Variants in ADGRL4 observed in about 807,000 individuals in gnomAD.
ADGRL4 encodes adhesion G protein-coupled receptor L4, also known as EGF, latrophilin and seven transmembrane domain containing 1.
A neutral mutation model predicts 74.8 loss-of-function variants in ADGRL4; 90 were observed. That is an observed-to-expected ratio of 1.20 (90% CI 1.02 to 1.43). The LOEUF is 1.43. Among genes scored for constraint, ADGRL4 ranks in the 40% most tolerant of loss-of-function variants. The pLI, the probability that ADGRL4 is intolerant of heterozygous loss-of-function variation, is 0.00. For missense variants in ADGRL4, 881 were observed against 814.3 expected (o/e 1.08, Z -1.00); for synonymous variants, 311 against 279.2 (o/e 1.11, Z -1.14).
intron 12 of ADGRL4, among the ~76,000 whole-genome samples, chr1:78,904,878 C>T (rs2100657985): frequency 6.6e-6 from 1 of 152,122 alleles, no homozygotes; most frequent in Middle Eastern, 3.4e-3. Flanking sequence ...TTTAAGTTCT[C>T]AACAAACATC....
At chr1:78,969,573 C>T (rs925898468) in intron 2 of ADGRL4, among the ~76,000 whole-genome samples, 7 of 152,114 alleles carry the variant, frequency 4.6e-5, no homozygotes, top group African/African-American at 1.7e-4. Flanking sequence ...CCTTGTGGAA[C>T]AGAGTTTCAT....
chr1:78,966,512 C>G (rs1412743008), intron 2 of ADGRL4, among the ~76,000 whole-genome samples: 1 of 152,090 alleles, frequency 6.6e-6, no homozygotes, highest in Non-Finnish European at 1.5e-5. Context: ...TGCTTCTGAG[C>G]CTTTTCATCC....
chr1:78,968,217 C>T (rs1029359049), intron 2 of ADGRL4, among the ~76,000 whole-genome samples: 7 of 151,740 alleles, frequency 4.6e-5, no homozygotes, highest in African/African-American at 1.2e-4. Flanking sequence ...ACTTTTTTGT[C>T]AATTGTGTTT....
intron 2 of ADGRL4, among the ~76,000 whole-genome samples, chr1:78,968,879 A>G (rs1325022174): frequency 6.6e-6 from 1 of 152,216 alleles, no homozygotes; most frequent in Non-Finnish European, 1.5e-5. Context: ...ATGCTCTCAA[A>G]TACAAGTTTC....
At chr1:78,959,102 A>G (rs1009838813) in intron 2 of ADGRL4, among the ~76,000 whole-genome samples, 2 of 152,180 alleles carry the variant, frequency 1.3e-5, no homozygotes, top group African/African-American at 4.8e-5. Flanking sequence ...GTATAATGTA[A>G]TGTAAACATA....
chr1:78,893,216 G>A, intron 12 of ADGRL4, 27 bp from the exon 13 acceptor site: 1 of 1,413,828 alleles, frequency 7.1e-7, no homozygotes, highest in Non-Finnish European at 9.9e-7. Flanking sequence ...TTTCAAAGAA[G>A]AGATAGTTTT....
rs1462633812 is a variant in ADGRL4 at position 78,927,064 on chromosome 1, T to A, written c.905A>T (p.Tyr302Phe). 6.2e-7 allele frequency: 1 copy of A among 1,604,168 alleles called. No individual in the cohort carries two copies. The highest frequency in any genetic ancestry group is 8.5e-7 in the Non-Finnish European group (1 of 1,172,930). ...TGAAAGCAAAGGACCAATACTCTTATAATATACAAATGCAACTGCAACATT... is the reference window on the plus strand; with the variant it reads ...TGAAAGCAAAGGACCAATACTCTTAAAATATACAAATGCAACTGCAACATT... ...NGNVAVAFVY[Y>F]KSIGPLLSSS... The change falls in exon 8 of 15, where the codon TAT becomes TTT. Residue 302 changes from tyrosine (Y) to phenylalanine (F), a missense_variant. Coordinates refer to ENST00000370742, the MANE Select transcript of ADGRL4 (RefSeq NM_022159.4).
intron 12 of ADGRL4, among the ~76,000 whole-genome samples, chr1:78,916,456 T>C (rs112400664): frequency 2.0e-5 from 3 of 151,904 alleles, no homozygotes; most frequent in Admixed American, 1.3e-4. Flanking sequence ...CTTATGTGGG[T>C]TGGAAATTTT....
intron 8 of ADGRL4, among the ~76,000 whole-genome samples, chr1:78,923,102 A>C (rs555697076): frequency 3.6e-4 from 54 of 151,970 alleles, no homozygotes; most frequent in Non-Finnish European, 7.2e-4. Context: ...CAAGGAGGTC[A>C]AGCTATATGA....
At chr1:78,977,513 A>C (rs1650309474) in intron 2 of ADGRL4, among the ~76,000 whole-genome samples, 15 of 152,000 alleles carry the variant, frequency 9.9e-5, no homozygotes. Flanking sequence ...AAATATATCC[A>C]AGATACTCTT....
At chr1:78,915,299 A>G (rs918408157) in intron 12 of ADGRL4, among the ~76,000 whole-genome samples, 2 of 151,828 alleles carry the variant, frequency 1.3e-5, no homozygotes, top group African/African-American at 4.8e-5. Context: ...AAATCAGGGG[A>G]TATATGGCAA....
Position 78,903,841 on chromosome 1 carries a change from C to A in ADGRL4, c.1750-10652G>T, listed in dbSNP as rs542403957. Among the ~76,000 whole-genome samples, 9 of 151,906 alleles carry A rather than the reference C, an allele frequency of 5.9e-5. 1 individual carries two copies. The South Asian group carries it at 1.9e-3, about 32-fold the overall frequency. On this transcript the variant is annotated intron_variant, in intron 12 of 14. Transcript: ENST00000370742. ...GTCCCAGCTACTCAGGAGGCTGAGG[C>A]AGGAGAATCCCTTGAACCTGAGAGG...
chr1:78,970,950 G>T (rs1342058154), intron 2 of ADGRL4, among the ~76,000 whole-genome samples: 1 of 152,116 alleles, frequency 6.6e-6, no homozygotes, highest in African/African-American at 2.4e-5. Context: ...TCGGGCTTTT[G>T]GTCTCCCTCT....
chr1:78,911,584 A>T (rs892517134), intron 12 of ADGRL4, among the ~76,000 whole-genome samples: 10 of 137,610 alleles, frequency 7.3e-5, no homozygotes, highest in Non-Finnish European at 1.4e-4. Context: ...ACTGCTACTT[A>T]TTCACTAATA....
chr1:79,001,884 T>C (rs1650851616), intron 2 of ADGRL4, among the ~76,000 whole-genome samples: 1 of 152,150 alleles, frequency 6.6e-6, no homozygotes, highest in African/African-American at 2.4e-5. Flanking sequence ...AAGCTTGGTC[T>C]CTTCTTCAAA....
chr1:79,004,921 C>A, intron 2 of ADGRL4, 149 bp downstream of exon 2: 1 of 561,110 alleles, frequency 1.8e-6, no homozygotes, highest in South Asian at 4.5e-5. Context: ...GTAAGTCAAA[C>A]TTACTGTTTA....
At chr1:78,901,238 T>C (rs1197242845) in intron 12 of ADGRL4, among the ~76,000 whole-genome samples, 2 of 152,160 alleles carry the variant, frequency 1.3e-5, no homozygotes, top group East Asian at 3.9e-4. Context: ...CTTCATAGCT[T>C]TCAAATTTTG....
At chr1:78,951,226 C>T (rs1649715933) in intron 2 of ADGRL4, among the ~76,000 whole-genome samples, 1 of 152,154 alleles carries the variant, frequency 6.6e-6, no homozygotes, top group Admixed American at 6.6e-5. Context: ...TTTGCCTCCC[C>T]ATCATCTGTT....
chr1:78,918,093 T>G, intron 10 of ADGRL4, 43 bp from the exon 11 acceptor site: 1 of 1,496,988 alleles, frequency 6.7e-7, no homozygotes, highest in Non-Finnish European at 9.2e-7. Flanking sequence ...CAGTGTTTGT[T>G]TTAAAATTAT....
Sources: gnomAD v4.1 joint callset for allele counts (sites outside exome capture counted in the v4.1 genomes callset) on GRCh38, gnomAD v4.1.1 for gene constraint, MANE v1.5 for transcripts, NCBI Gene and HGNC (gene_info 2026-07-23, HGNC 2026-07-21) for gene names.